Variants in ABR observed in about 807,000 individuals in gnomAD.
ABR encodes the protein active breakpoint cluster region-related protein.
A neutral mutation model predicts 107.2 loss-of-function variants in ABR; 35 were observed. The ratio of observed to expected loss-of-function variants is 0.33; its 90% CI spans 0.25 to 0.43. ABR has a LOEUF of 0.43. Ranked by LOEUF, ABR falls within the 20% of genes least tolerant of loss-of-function variation. The pLI is 1.00. For synonymous variants in ABR, 498 were observed against 462.0 expected (o/e 1.08, Z -1.00); for missense variants, 815 against 1,115.2 (o/e 0.73, Z 3.83).
At position 1,179,477 on chromosome 17, in the gene ABR, C is replaced by A. The variant is rs1034731981; in HGVS notation, c.61+190G>T. ...GACCAGCCCGGCTCCTGGGTCCCGA[C>A]CCCGATCCCGATTCCCAACCCGACC... On this transcript the variant is annotated intron_variant, in intron 1 of 22. Transcript: ENST00000302538. The surrounding 1 kb of genome is among the most constrained non-coding windows in gnomAD (Gnocchi z 4.9). 6.0e-5 allele frequency among the ~76,000 whole-genome samples: 9 copies of A among 150,698 alleles called. No homozygotes were observed. Among genetic ancestry groups the A allele is most frequent in the African/African-American group, 2.2e-4 (9 of 40,986 alleles).
At chr17:1,156,499 C>T (rs2041048506) in intron 1 of ABR, among the ~76,000 whole-genome samples, 1 of 152,044 alleles carries the variant, frequency 6.6e-6, no homozygotes, top group Non-Finnish European at 1.5e-5. Flanking sequence ...GCCTGGCCAA[C>T]GTGGTGAAAA....
chr17:1,110,620 C>T (rs1467049905), intron 2 of ABR, among the ~76,000 whole-genome samples: 1 of 152,220 alleles, frequency 6.6e-6, no homozygotes, highest in Admixed American at 6.5e-5. Context: ...CCCCCACTCC[C>T]CCCAGAATTC....
At chr17:1,176,583 C>T (rs1247936262) in intron 1 of ABR, among the ~76,000 whole-genome samples, 1 of 152,168 alleles carries the variant, frequency 6.6e-6, no homozygotes, top group Non-Finnish European at 1.5e-5. Flanking sequence ...CAGTGGCTCA[C>T]GCCAGTAATC....
chr17:1,021,212 G>A (rs1484610297), intron 16 of ABR, among the ~76,000 whole-genome samples: 12 of 152,346 alleles, frequency 7.9e-5, no homozygotes, highest in South Asian at 2.1e-4. Flanking sequence ...CACTCAGGAC[G>A]TGATCCAGGG....
In ABR at chr17:1,179,735, C is replaced by T; in HGVS notation, c.-8G>A. ...GTGGCTGAGCGGCTCCATCCCGCGG[C>T]GGCGGCTCGGTCAGATCCGAAACCC... On this transcript the variant is annotated 5_prime_UTR_variant, in exon 1 of 23. Coordinates refer to ENST00000302538, the MANE Select transcript of ABR (RefSeq NM_021962.5). This position sits in a 1 kb window ranked among gnomAD's most constrained non-coding sequence, Gnocchi z 4.9. The T allele has an allele frequency of 7.2e-7, 1 of 1,393,710 alleles. No homozygotes were observed. Among genetic ancestry groups the T allele is most frequent in the Non-Finnish European group, 9.6e-7 (1 of 1,045,500 alleles). The allele number at this position is 1,393,710 out of a possible 1,614,324, so 86.3% of individuals were successfully genotyped here.
chr17:1,079,941 A>G (rs867740935), intron 5 of ABR, among the ~76,000 whole-genome samples: 3 of 152,114 alleles, frequency 2.0e-5, no homozygotes, highest in Middle Eastern at 6.8e-3. Flanking sequence ...GTGGGCAAGA[A>G]GGAAGGGACT....
chr17:1,175,965 C>T (rs760692558), intron 1 of ABR, among the ~76,000 whole-genome samples: 9 of 152,186 alleles, frequency 5.9e-5, no homozygotes, highest in Non-Finnish European at 8.8e-5. Context: ...GTGGCGGGCG[C>T]CTGCAGTCCC....
chr17:1,223,523 G>T (rs2043158175), intron 1 of ABR, among the ~76,000 whole-genome samples: 1 of 152,150 alleles, frequency 6.6e-6, no homozygotes, highest in Non-Finnish European at 1.5e-5. Context: ...CTTATAAGCT[G>T]GGTGACCATG....
intron 1 of ABR, among the ~76,000 whole-genome samples, chr17:1,163,265 A>C (rs970946808): frequency 1.3e-5 from 2 of 152,114 alleles, no homozygotes; most frequent in African/African-American, 4.8e-5. Flanking sequence ...ATCACTGGCC[A>C]CTCTGCATCA....
At chr17:1,224,747 T>C (rs1398516584) in intron 1 of ABR, among the ~76,000 whole-genome samples, 1 of 152,144 alleles carries the variant, frequency 6.6e-6, no homozygotes, top group Non-Finnish European at 1.5e-5. Flanking sequence ...CAATCATAGC[T>C]CACTGAAGCC....
chr17:1,192,734 GAAAC>G (rs1374207328), intron 1 of ABR, among the ~76,000 whole-genome samples: 1 of 152,172 alleles, frequency 6.6e-6, no homozygotes, highest in African/African-American at 2.4e-5. Context: ...CCAACATGGT[GAAAC>G]CCCGTCTCTA....
chr17:1,019,117 C>T (rs915249430), intron 16 of ABR, among the ~76,000 whole-genome samples: 16 of 152,218 alleles, frequency 1.1e-4, no homozygotes, highest in Admixed American at 9.2e-4. Flanking sequence ...AGGCCACCCC[C>T]AGTACAGCCC....
chr17:1,156,449 C>T (rs917481399), intron 1 of ABR, among the ~76,000 whole-genome samples: 2 of 152,118 alleles, frequency 1.3e-5, no homozygotes, highest in South Asian at 2.1e-4. Context: ...TTCGGGAGGC[C>T]GAGGTGGAAG....
intron 1 of ABR, among the ~76,000 whole-genome samples, chr17:1,130,611 C>A (rs1008964271): frequency 4.6e-5 from 7 of 152,308 alleles, no homozygotes; most frequent in African/African-American, 1.7e-4. Context: ...GGCCCCCCCA[C>A]AAGGTATGTC....
intron 2 of ABR, chr17:1,109,218 C>T (rs1474858346): frequency 8.5e-6 from 9 of 1,062,922 alleles, no homozygotes; most frequent in Non-Finnish European, 1.1e-5. Flanking sequence ...GCATCCCGGA[C>T]CTAGTCCAGC....
upstream of ABR, among the ~76,000 whole-genome samples, chr17:1,184,640 T>C (rs2042235987): frequency 6.7e-6 from 1 of 148,922 alleles, no homozygotes; most frequent in Admixed American, 6.7e-5. Flanking sequence ...ACAAATAAAA[T>C]TAATGACAGC....
chr17:1,203,789 C>T (rs1320794551), intron 1 of ABR, among the ~76,000 whole-genome samples: 1 of 152,106 alleles, frequency 6.6e-6, no homozygotes, highest in Non-Finnish European at 1.5e-5. Flanking sequence ...GCGAAGGGGG[C>T]TCGGGCGCTC....
rs2037053740 is a variant in ABR, at chr17:1,091,869, G to A, written c.346-19C>T. 1.2e-6 allele frequency: 2 copies of A among 1,608,078 alleles called. No individual in the cohort carries two copies. Among genetic ancestry groups the A allele is most frequent in the Non-Finnish European group, 1.7e-6 (2 of 1,176,676 alleles). On this transcript the variant is annotated intron_variant, in intron 3 of 22. Transcript: ENST00000302538. The stretch of plus-strand genomic sequence containing the variant: ...TCATGGGCTGGGAGAAACAGAGGAA[G>A]AAAGAGCAGAGGTCGGGGGTAAACA...
In ABR at chr17:1,013,139, T is replaced by C. The variant is rs770902392; in HGVS notation, c.1817A>G (p.Lys606Arg). The C allele has an allele frequency of 2.5e-5, 41 of 1,614,074 alleles. No individual in the cohort carries two copies. In the Admixed American group the frequency reaches 6.5e-4, roughly 26 times the overall value. ...CTCAATCACGTCCGTGTGCCAGTTC[T>C]TGGTCTCCACGGTTTGTGGGTCCAG... ...IQLDPQTVET[K>R]NWHTDVIEMN... Residue 606 changes from lysine (K) to arginine (R), a missense_variant, in exon 17 of 23, where the codon AAG becomes AGG. Coordinates refer to ENST00000302538, the MANE Select transcript of ABR (RefSeq NM_021962.5).
Sources: gnomAD v4.1 joint callset for allele counts (sites outside exome capture counted in the v4.1 genomes callset) on GRCh38, gnomAD v4.1.1 for gene constraint, Gnocchi (gnomAD v3.1) non-coding constraint, MANE v1.5 for transcripts, NCBI Gene and HGNC (gene_info 2026-07-23, HGNC 2026-07-21) for gene names.